ZC3H13: variants seen among roughly 807,000 people sequenced by gnomAD.
The protein encoded by ZC3H13 is zinc finger CCCH domain-containing protein 13.
ZC3H13 carries 64 observed loss-of-function variants against 204.1 expected under a neutral mutation model. The ratio of observed to expected loss-of-function variants is 0.31; its 90% CI spans 0.26 to 0.39. The LOEUF (loss-of-function observed/expected upper bound fraction) is 0.39, where lower values mean the gene tolerates loss of function less well. Among genes scored for constraint, ZC3H13 ranks in the 10% least tolerant of loss-of-function variants. The pLI is 1.00. For synonymous variants in ZC3H13, 667 were observed against 693.7 expected, an observed-to-expected ratio of 0.96 and a Z score of 0.60; for missense variants, 1,833 against 2,082.7, an observed-to-expected ratio of 0.88 and a Z score of 2.33.
intron 17 of ZC3H13, chr13:45,963,221 C>A: frequency 1.0e-6 from 1 of 984,874 alleles, no homozygotes; most frequent in Non-Finnish European, 1.2e-6. Flanking sequence ...CCAGATCATC[C>A]GGCCTTACAG....
Position 45,988,922 on chromosome 13 carries a change from AAGG to A in ZC3H13, c.1117_1119del (p.Pro373del). The A allele has an allele frequency of 6.2e-7, 1 of 1,614,140 alleles. No individual in the cohort carries two copies. The highest frequency in any genetic ancestry group is 8.5e-7 in the Non-Finnish European group (1 of 1,180,024). The stretch of plus-strand genomic sequence containing the variant: ...GGAGACGACAAAGAATGTGAAGGAT[AAGG>A]AGAGGCAGAGCGTCGTAAAGGTGGA... On this transcript the variant is annotated inframe_deletion, in exon 9 of 19. Coordinates refer to ENST00000679008, the MANE Select transcript of ZC3H13 (RefSeq NM_001330564.2).
chr13:46,042,376 T>C, intron 3 of ZC3H13, 101 bp from the exon 4 acceptor site: 1 of 743,188 alleles, frequency 1.3e-6, no homozygotes, highest in Non-Finnish European at 2.0e-6. Context: ...TTTACAGAAA[T>C]AACCTCACAA....
chr13:46,031,997 T>C (rs1388131640), intron 4 of ZC3H13, among the ~76,000 whole-genome samples: 9 of 152,224 alleles, frequency 5.9e-5, no homozygotes, highest in African/African-American at 1.2e-4. Context: ...GTATTCATAA[T>C]TGCCAAAACT....
intron 7 of ZC3H13, 55 bp downstream of exon 7, chr13:46,010,293 T>A (rs139106453): frequency 1.4e-6 from 2 of 1,467,910 alleles, no homozygotes; most frequent in Non-Finnish European, 1.8e-6. Flanking sequence ...CTAATTCTTT[T>A]TAGTATCACT....
chr13:46,005,204 C>A (rs2041046377), intron 7 of ZC3H13, among the ~76,000 whole-genome samples: 1 of 152,182 alleles, frequency 6.6e-6, no homozygotes, highest in Non-Finnish European at 1.5e-5. Flanking sequence ...TTCAAAAAAT[C>A]TTTTCCAGCA....
chr13:45,965,689 T>C (rs188777152), intron 15 of ZC3H13, among the ~76,000 whole-genome samples: 14 of 152,242 alleles, frequency 9.2e-5, no homozygotes, highest in Admixed American at 9.2e-4. Flanking sequence ...AAGATCACAA[T>C]AAAAATATGA....
chr13:46,017,740 T>C (rs890620080), intron 5 of ZC3H13, among the ~76,000 whole-genome samples: 3 of 152,084 alleles, frequency 2.0e-5, no homozygotes, highest in Admixed American at 6.6e-5. Flanking sequence ...CCAGCTAAAA[T>C]TGTTATTCCA....
Position 45,954,659 on chromosome 13 carries a change from G to A in ZC3H13, c.*2468C>T, listed in dbSNP as rs1440282724. The A allele has an allele frequency of 6.6e-6, 1 of 152,150 alleles. No individual in the cohort carries two copies. Among genetic ancestry groups the A allele is most frequent in the Non-Finnish European group, 1.5e-5 (1 of 68,018 alleles). 9.4% of individuals were successfully genotyped at this position (152,150 alleles called of 1,614,324 possible). A position where few individuals can be genotyped will look rare whatever the true frequency, so the allele number is the denominator to read the frequency against. ...TAAAATAGCAAGTTGAGGTGTAAAAGCATCACCAACAATAGTATGTACCTT... is the reference window on the plus strand; with the variant it reads ...TAAAATAGCAAGTTGAGGTGTAAAAACATCACCAACAATAGTATGTACCTT... On this transcript the variant is annotated 3_prime_UTR_variant, in exon 19 of 19. Coordinates refer to ENST00000679008, the MANE Select transcript of ZC3H13 (RefSeq NM_001330564.2).
In ZC3H13 at chr13:45,954,988, C is replaced by T. The variant is rs961753347; in HGVS notation, c.*2139G>A. Reference sequence around the variant, plus strand: ...AATCAAAAGGCTAATTATGTGTTAACTCTCATTTATTTTGGATTGCAGACA... The same window carrying T: ...AATCAAAAGGCTAATTATGTGTTAATTCTCATTTATTTTGGATTGCAGACA... On this transcript the variant is annotated 3_prime_UTR_variant, in exon 19 of 19. Transcript: ENST00000679008. The T allele has an allele frequency of 1.3e-5, 2 of 152,122 alleles. No individual in the cohort carries two copies. The highest frequency in any genetic ancestry group is 4.8e-5 in the African/African-American group (2 of 41,412). The allele number at this position is 152,122 out of a possible 1,614,324, so 9.4% of individuals were successfully genotyped here.
At chr13:46,031,152 G>A (rs1306417133) in intron 4 of ZC3H13, among the ~76,000 whole-genome samples, 2 of 151,930 alleles carry the variant, frequency 1.3e-5, no homozygotes, top group Non-Finnish European at 2.9e-5. Flanking sequence ...TTTTAACAAA[G>A]AAGCAAAACC....
At chr13:46,000,444 G>T (rs1485496467) in intron 8 of ZC3H13, among the ~76,000 whole-genome samples, 1 of 152,174 alleles carries the variant, frequency 6.6e-6, no homozygotes, top group Non-Finnish European at 1.5e-5. Flanking sequence ...TACGGAGATG[G>T]CTTCATTCGT....
In ZC3H13 at chr13:45,955,855, A is replaced by G. The variant is rs1414082059; in HGVS notation, c.*1272T>C. ...TACAACATATGTTTCTTGAACAGAA[A>G]CTTTACACCACTGTCATTATGTTAC... On this transcript the variant is annotated 3_prime_UTR_variant, in exon 19 of 19. Transcript: ENST00000679008. 1 of 151,930 alleles carries G rather than the reference A, an allele frequency of 6.6e-6. No homozygotes were observed. The highest frequency in any genetic ancestry group is 2.4e-5 in the African/African-American group (1 of 41,464). 9.4% of individuals were successfully genotyped at this position (151,930 alleles called of 1,614,324 possible). A position where few individuals can be genotyped will look rare whatever the true frequency, so the allele number is the denominator to read the frequency against.
Position 45,989,057 on chromosome 13 carries a change from A to G in ZC3H13, c.985T>C (p.Ser329Pro). The change falls in exon 9 of 19, where the codon TCT (serine) becomes CCT (proline). Residue 329 changes from serine (S) to proline (P), a missense_variant. Physicochemically the swap from Ser to Pro is moderately conservative, Grantham distance 74. This residue lies in a region of ZC3H13 where 1,574 missense variants were observed against 1,757.2 expected (regional missense o/e 0.90). Transcript: ENST00000679008. ...PAGQHHSPIS[S>P]RHHSSSSQSG... The stretch of plus-strand genomic sequence containing the variant: ...TGTGAGGAAGATGAGTGATGTCTAG[A>G]AGATATAGGAGAATGATGCTGTCCT... The G allele has an allele frequency of 6.2e-7, 1 of 1,614,174 alleles. No homozygotes were observed. Among genetic ancestry groups the G allele is most frequent in the Non-Finnish European group, 8.5e-7 (1 of 1,180,022 alleles).
At chr13:45,987,271 A>C (rs1314795245) in intron 9 of ZC3H13, among the ~76,000 whole-genome samples, 1 of 152,214 alleles carries the variant, frequency 6.6e-6, no homozygotes, top group Admixed American at 6.5e-5. Context: ...CAAAGAACTT[A>C]AAACGCCTAT....
At chr13:45,987,585 A>G (rs2039638591) in intron 9 of ZC3H13, among the ~76,000 whole-genome samples, 1 of 152,060 alleles carries the variant, frequency 6.6e-6, no homozygotes, top group Admixed American at 6.5e-5. Context: ...GTCCCTGCCT[A>G]TTTTCTTGAA....
chr13:45,966,862 T>C (rs1007933745), intron 15 of ZC3H13, among the ~76,000 whole-genome samples: 14 of 152,018 alleles, frequency 9.2e-5, no homozygotes, highest in Non-Finnish European at 1.8e-4. Flanking sequence ...GGAAATGGTA[T>C]GAGTGGGTAC....
At position 46,052,428 on chromosome 13, in the gene ZC3H13, G is replaced by A; in HGVS notation, c.-34C>T. 2 of 397,828 alleles carry A rather than the reference G, an allele frequency of 5.0e-6. No homozygotes were observed. Among genetic ancestry groups the A allele is most frequent in the Non-Finnish European group, 8.8e-6 (2 of 226,006 alleles). The allele number at this position is 397,828 out of a possible 1,614,324, so 24.6% of individuals were successfully genotyped here. A position where few individuals can be genotyped will look rare whatever the true frequency, so the allele number is the denominator to read the frequency against. ...CTTCCTCCCCAAGCTCCCTTCGCAA[G>A]TGCAGTCCGGAGGCACCACCGCCGC... On this transcript the variant is annotated 5_prime_UTR_variant, in exon 1 of 19. Transcript: ENST00000679008.
chr13:45,980,843 C>T (rs1953518871), intron 10 of ZC3H13, among the ~76,000 whole-genome samples: 1 of 152,110 alleles, frequency 6.6e-6, no homozygotes, highest in Non-Finnish European at 1.5e-5. Flanking sequence ...AAATGGGCTA[C>T]ACATATGATA....
rs150109207 is a variant in ZC3H13, at chr13:45,988,971, T to C, written c.1071A>G (p.Pro357=). ...PSPRRKRTPS[P]SYQRTLTPPL... ...GTGGAGTTAGTGTCCGCTGATAAGA[T>C]GGTGAAGGAGTTCTTTTTCGACGAG... Residue 357 remains proline, a synonymous_variant, in exon 9 of 19, where the codon CCA becomes CCG. Coordinates refer to ENST00000679008, the MANE Select transcript of ZC3H13 (RefSeq NM_001330564.2). The C allele has an allele frequency of 2.4e-3, 3,919 of 1,613,704 alleles. 26 individuals are homozygous for C. The highest frequency in any genetic ancestry group is 2.6e-3 in the Non-Finnish European group (3,009 of 1,179,886).
Sources: allele counts gnomAD v4.1 joint callset (sites outside exome capture counted in the v4.1 genomes callset), GRCh38; gene constraint gnomAD v4.1.1; regional missense constraint gnomAD v4.1.1; transcripts MANE v1.5; gene names NCBI Gene and HGNC (gene_info 2026-07-23, HGNC 2026-07-21).